NMNAT2: variants seen among roughly 807,000 people sequenced by gnomAD.
NMNAT2 encodes the protein nicotinamide nucleotide adenylyltransferase 2.
A neutral mutation model predicts 41.6 loss-of-function variants in NMNAT2; 11 were observed. The observed-to-expected ratio is 0.26, with a 90% confidence interval of 0.17 to 0.44. The LOEUF (loss-of-function observed/expected upper bound fraction) is 0.44, where lower values mean the gene tolerates loss of function less well. NMNAT2 is among the 20% of genes least tolerant of loss of function. The pLI is 1.00. For synonymous variants in NMNAT2, 148 were observed against 151.2 expected (o/e 0.98, Z 0.16); for missense variants, 288 against 407.7 (o/e 0.71, Z 2.53).
intron 1 of NMNAT2, among the ~76,000 whole-genome samples, chr1:183,345,016 T>A (rs1215808835): frequency 1.3e-5 from 2 of 152,198 alleles, no homozygotes; most frequent in Non-Finnish European, 2.9e-5. Context: ...CAATCCCAAC[T>A]GCTCTTCCAA....
intron 1 of NMNAT2, among the ~76,000 whole-genome samples, chr1:183,353,633 C>A (rs771200686): frequency 6.6e-6 from 1 of 152,082 alleles, no homozygotes; most frequent in African/African-American, 2.4e-5. Context: ...GCCCAGGACC[C>A]AAATCATCAC....
chr1:183,377,693 T>G (rs1281038093), intron 1 of NMNAT2, among the ~76,000 whole-genome samples: 1 of 152,140 alleles, frequency 6.6e-6, no homozygotes, highest in Non-Finnish European at 1.5e-5. Context: ...CTATACAACA[T>G]GTTCAGTTTT....
intron 1 of NMNAT2, among the ~76,000 whole-genome samples, chr1:183,389,804 GAA>G (rs1303092848): frequency 1.6e-5 from 1 of 62,634 alleles, no homozygotes; most frequent in African/African-American, 5.3e-5. Flanking sequence ...AAGAAAGAAA[GAA>G]AGAAAGAAAG....
chr1:183,416,861 G>A, intron 1 of NMNAT2, among the ~76,000 whole-genome samples: 1 of 152,146 alleles, frequency 6.6e-6, no homozygotes, highest in Admixed American at 6.6e-5. Flanking sequence ...CTCCCTAGGA[G>A]GGCTCGCGCA....
intron 1 of NMNAT2, among the ~76,000 whole-genome samples, chr1:183,359,337 A>G (rs1663259400): frequency 6.6e-6 from 1 of 152,128 alleles, no homozygotes; most frequent in Admixed American, 6.5e-5. Flanking sequence ...AGAGATGAAG[A>G]ACTCAGGAAA....
intron 1 of NMNAT2, among the ~76,000 whole-genome samples, chr1:183,340,694 G>A (rs1163997458): frequency 6.6e-6 from 1 of 152,172 alleles, no homozygotes; most frequent in African/African-American, 2.4e-5. Flanking sequence ...TTAGATGTAA[G>A]CATATCTGCC....
At chr1:183,380,662 A>G (rs1314633439) in intron 1 of NMNAT2, among the ~76,000 whole-genome samples, 1 of 152,218 alleles carries the variant, frequency 6.6e-6, no homozygotes, top group Non-Finnish European at 1.5e-5. Context: ...TTAAAAAGTA[A>G]TATCTCTCCT....
intron 7 of NMNAT2, among the ~76,000 whole-genome samples, chr1:183,281,471 T>A (rs1054192888): frequency 2.0e-5 from 3 of 152,200 alleles, no homozygotes; most frequent in African/African-American, 7.2e-5. Context: ...TAAATCTCTT[T>A]CCTATTCCCA....
At chr1:183,343,727 A>T (rs1662867048) in intron 1 of NMNAT2, among the ~76,000 whole-genome samples, 1 of 152,068 alleles carries the variant, frequency 6.6e-6, no homozygotes, top group Admixed American at 6.6e-5. Context: ...TATCCTTCAA[A>T]TTTTTTAAAA....
At chr1:183,346,944 A>G (rs1662942830) in intron 1 of NMNAT2, among the ~76,000 whole-genome samples, 1 of 152,172 alleles carries the variant, frequency 6.6e-6, no homozygotes, top group Admixed American at 6.5e-5. Flanking sequence ...GAGCAAACAC[A>G]TAGAAACCCA....
intron 1 of NMNAT2, among the ~76,000 whole-genome samples, chr1:183,391,333 C>T (rs1033332754): frequency 6.6e-6 from 1 of 152,176 alleles, no homozygotes; most frequent in African/African-American, 2.4e-5. Context: ...CTCTACTCTT[C>T]TACATATAGA....
intron 1 of NMNAT2, among the ~76,000 whole-genome samples, chr1:183,297,085 C>T (rs1661721814): frequency 2.0e-5 from 3 of 150,610 alleles, no homozygotes; most frequent in Admixed American, 6.7e-5. Flanking sequence ...TTCCCAAGCA[C>T]TTCATTCAAA....
intron 1 of NMNAT2, among the ~76,000 whole-genome samples, chr1:183,410,131 A>G (rs1447213339): frequency 6.7e-6 from 1 of 150,372 alleles, no homozygotes; most frequent in Non-Finnish European, 1.5e-5. Context: ...CAACATGGTG[A>G]AATCCTGTCT....
chr1:183,310,995 G>A (rs1348350385), intron 1 of NMNAT2, among the ~76,000 whole-genome samples: 1 of 152,080 alleles, frequency 6.6e-6, no homozygotes, highest in Non-Finnish European at 1.5e-5. Context: ...AGCTACCCAC[G>A]CGGTCGTAAG....
chr1:183,288,372 G>A (rs114115160), intron 4 of NMNAT2, among the ~76,000 whole-genome samples: 1 of 152,202 alleles, frequency 6.6e-6, no homozygotes, highest in Non-Finnish European at 1.5e-5. Context: ...CTTGCTAGGT[G>A]TTTGAAGGCT....
At chr1:183,281,011 C>T (rs574910157) in intron 7 of NMNAT2, among the ~76,000 whole-genome samples, 8 of 151,968 alleles carry the variant, frequency 5.3e-5, no homozygotes, top group African/African-American at 1.4e-4. Context: ...TCTTGAACTC[C>T]CAACCTCAGG....
At chr1:183,326,055 C>T (rs1397933072) in intron 1 of NMNAT2, among the ~76,000 whole-genome samples, 1 of 152,010 alleles carries the variant, frequency 6.6e-6, no homozygotes, top group African/African-American at 2.4e-5. Context: ...GAGTAATGAA[C>T]AGAATGCAGT....
At chr1:183,412,992 T>C (rs1218992565) in intron 1 of NMNAT2, among the ~76,000 whole-genome samples, 1 of 152,238 alleles carries the variant, frequency 6.6e-6, no homozygotes, top group East Asian at 1.9e-4. Context: ...CCTTTGCTAC[T>C]TCCTCCTCTT....
intron 1 of NMNAT2, among the ~76,000 whole-genome samples, chr1:183,397,701 C>G (rs1301960665): frequency 6.6e-6 from 1 of 152,218 alleles, no homozygotes; most frequent in African/African-American, 2.4e-5. Flanking sequence ...ATCAGACTAA[C>G]AGTGGATCTC....
Sources: allele counts gnomAD v4.1 joint callset (sites outside exome capture counted in the v4.1 genomes callset), GRCh38; gene constraint gnomAD v4.1.1; transcripts MANE v1.5; gene names NCBI Gene and HGNC (gene_info 2026-07-23, HGNC 2026-07-21).